NKAIN3: variants seen among roughly 807,000 people sequenced by gnomAD.
NKAIN3 encodes the protein sodium/potassium transporting ATPase interacting 3, also known as sodium/potassium-transporting ATPase subunit beta-1-interacting protein 3.
NKAIN3 carries 25 observed loss-of-function variants against 30.2 expected under a neutral mutation model. The observed-to-expected ratio is 0.83, with a 90% CI of 0.60 to 1.16. NKAIN3 has a LOEUF of 1.16. Among genes scored for constraint, NKAIN3 ranks in the 50% most tolerant of loss-of-function variants. The probability of loss-of-function intolerance (pLI) is 0.00; values close to 1 mark genes in which losing one functional copy is unlikely to be tolerated. For synonymous variants in NKAIN3, 91 were observed against 89.6 expected (o/e 1.02, Z -0.09); for missense variants, 225 against 254.1 (o/e 0.89, Z 0.78).
At chr8:62,678,884 T>C (rs1010148672) in intron 3 of NKAIN3, among the ~76,000 whole-genome samples, 1 of 152,164 alleles carries the variant, frequency 6.6e-6, no homozygotes, top group African/African-American at 2.4e-5. Flanking sequence ...AGCTAATAAA[T>C]GTGTCATGTA....
At chr8:62,791,544 C>T (rs1044383737) in intron 4 of NKAIN3, among the ~76,000 whole-genome samples, 1 of 151,962 alleles carries the variant, frequency 6.6e-6, no homozygotes, top group African/African-American at 2.4e-5. Context: ...GACTTTGATC[C>T]TCAAAACTGA....
intron 3 of NKAIN3, among the ~76,000 whole-genome samples, chr8:62,699,953 C>T (rs1194883904): frequency 6.6e-6 from 1 of 152,096 alleles, no homozygotes; most frequent in Non-Finnish European, 1.5e-5. Context: ...TAGTAAGACT[C>T]AATCTCTAAA....
At chr8:62,993,115 T>G (rs1824355221) in intron 5 of NKAIN3, among the ~76,000 whole-genome samples, 1 of 152,054 alleles carries the variant, frequency 6.6e-6, no homozygotes, top group Non-Finnish European at 1.5e-5. Flanking sequence ...ATGGGGAAAT[T>G]TTTAGGGGCC....
chr8:62,379,113 T>C (rs939972841), intron 1 of NKAIN3, among the ~76,000 whole-genome samples: 1 of 152,148 alleles, frequency 6.6e-6, no homozygotes, highest in African/African-American at 2.4e-5. Flanking sequence ...AGTTTGGAAA[T>C]TTAAGGTTTA....
At position 62,982,461 on chromosome 8, in the gene NKAIN3, G is replaced by A. The variant is rs1356403692; in HGVS notation, c.*17054G>A. 6.6e-6 allele frequency: 1 copy of A among 152,152 alleles called. No individual in the cohort carries two copies. Among genetic ancestry groups the A allele is most frequent in the Non-Finnish European group, 1.5e-5 (1 of 68,030 alleles). The allele number at this position is 152,152 out of a possible 1,614,324, so 9.4% of individuals were successfully genotyped here. Reference sequence around the variant, plus strand: ...GGTCTTGTTAAATAATTAGATTTGTGTAAACTATATTTTAGAGTCTTCCAA... The same window carrying A: ...GGTCTTGTTAAATAATTAGATTTGTATAAACTATATTTTAGAGTCTTCCAA... On this transcript the variant is annotated 3_prime_UTR_variant, in exon 7 of 7. Transcript: ENST00000623646.
chr8:62,435,799 A>T (rs1346638192), intron 1 of NKAIN3, among the ~76,000 whole-genome samples: 2 of 152,224 alleles, frequency 1.3e-5, no homozygotes, highest in Admixed American at 6.5e-5. Context: ...TTGTTCCCCA[A>T]GATGTACATC....
At chr8:62,963,491 C>T (rs1823628067) in intron 6 of NKAIN3, among the ~76,000 whole-genome samples, 1 of 152,200 alleles carries the variant, frequency 6.6e-6, no homozygotes, top group Admixed American at 6.5e-5. Context: ...CAAGTTCCCC[C>T]AAACCCTCAC....
At position 62,975,081 on chromosome 8, in the gene NKAIN3, T is replaced by A. The variant is rs1823914211; in HGVS notation, c.*9674T>A. 6.6e-6 allele frequency among the ~76,000 whole-genome samples: 1 copy of A among 152,164 alleles called. No homozygotes were observed. On this transcript the variant is annotated 3_prime_UTR_variant, in exon 7 of 7. Transcript: ENST00000623646. The stretch of plus-strand genomic sequence containing the variant: ...CTTTTGCCAGTGTTTCATTGGGGAT[T>A]TTCACATAGATGTTCATCAGGGATA...
intron 4 of NKAIN3, among the ~76,000 whole-genome samples, chr8:62,767,984 A>T (rs1157717272): frequency 1.3e-5 from 2 of 152,178 alleles, no homozygotes; most frequent in African/African-American, 4.8e-5. Context: ...TAAATTTATT[A>T]ATGTGGCTAC....
chr8:62,990,269 A>G, intron 5 of NKAIN3: 1 of 1,503,426 alleles, frequency 6.7e-7, no homozygotes, highest in Non-Finnish European at 8.9e-7. Flanking sequence ...TTGTCACATC[A>G]GTCAAGCCTC....
At chr8:62,383,507 A>C (rs1279987408) in intron 1 of NKAIN3, 1 of 455,572 alleles carries the variant, frequency 2.2e-6, no homozygotes, top group Non-Finnish European at 4.4e-6. Context: ...AAACCTGTTC[A>C]GGCAGATCTT....
At chr8:62,686,577 GT>G (rs967147515) in intron 3 of NKAIN3, among the ~76,000 whole-genome samples, 79 of 152,014 alleles carry the variant, frequency 5.2e-4, no homozygotes, top group Non-Finnish European at 9.4e-4. Flanking sequence ...CAAATCTAGG[GT>G]TTTTTTTAAA....
rs141994876 is a variant in NKAIN3 at position 62,461,033 on chromosome 8, A to G, written c.55-118506A>G. Among the ~76,000 whole-genome samples, 39 of 152,348 alleles carry G rather than the reference A, an allele frequency of 2.6e-4. No homozygotes were observed. The East Asian group carries it at 5.6e-3, about 22-fold the overall frequency. On this transcript the variant is annotated intron_variant, in intron 1 of 6. Transcript: ENST00000623646. The stretch of plus-strand genomic sequence containing the variant: ...TACCTGTCCAGGGCTGTGCCTGCTC[A>G]GGGAAAACCTGAGAGGCCCTAAACA...
At chr8:62,394,008 C>T (rs1817653128) in intron 1 of NKAIN3, among the ~76,000 whole-genome samples, 1 of 152,186 alleles carries the variant, frequency 6.6e-6, no homozygotes. Flanking sequence ...AGATTTTCTA[C>T]ATACACCATG....
Position 62,648,199 on chromosome 8 carries a change from T to C in NKAIN3, c.273+58405T>C, listed in dbSNP as rs1162002325. ...TGAGCCGTCCAAGTACTATGTCCTG[T>C]AAGACATGGATCCGTGTAGATCCGT... On this transcript the variant is annotated intron_variant, in intron 3 of 6. Coordinates refer to ENST00000623646, the MANE Select transcript of NKAIN3 (RefSeq NM_001304533.3). Among the ~76,000 whole-genome samples the C allele has an allele frequency of 2.0e-5, 3 of 152,076 alleles. No homozygotes were observed. In the East Asian group the frequency reaches 5.8e-4, roughly 29 times the overall value.
intron 3 of NKAIN3, among the ~76,000 whole-genome samples, chr8:62,745,749 G>C (rs1258619899): frequency 1.3e-5 from 2 of 152,166 alleles, no homozygotes; most frequent in African/African-American, 2.4e-5. Context: ...TTGTTCTTGT[G>C]ATTGACTGTG....
In NKAIN3 at chr8:62,472,874, C is replaced by T. The variant is rs74524106; in HGVS notation, c.55-106665C>T. 8.0e-3 allele frequency among the ~76,000 whole-genome samples: 1,212 copies of T among 152,268 alleles called. 13 individuals are homozygous for T. Among genetic ancestry groups the T allele is most frequent in the Non-Finnish European group, 0.012 (828 of 68,032 alleles). ...CTCATTCATGTTCCAGACACTGATC[C>T]GCAGTGCAGGCAAGGTGCTCAAAGG... On this transcript the variant is annotated intron_variant, in intron 1 of 6. Coordinates refer to ENST00000623646, the MANE Select transcript of NKAIN3 (RefSeq NM_001304533.3).
At chr8:62,601,171 T>C (rs886612190) in intron 3 of NKAIN3, among the ~76,000 whole-genome samples, 5 of 152,084 alleles carry the variant, frequency 3.3e-5, no homozygotes, top group Admixed American at 1.3e-4. Context: ...AGTTTGAAAT[T>C]AAATCAAGGA....
intron 1 of NKAIN3, among the ~76,000 whole-genome samples, chr8:62,365,994 G>A (rs1278508804): frequency 6.6e-6 from 1 of 152,090 alleles, no homozygotes; most frequent in Non-Finnish European, 1.5e-5. Context: ...ATCTTTAAAT[G>A]TTTCATAGAA....
Sources: allele counts gnomAD v4.1 joint callset (sites outside exome capture counted in the v4.1 genomes callset), GRCh38; gene constraint gnomAD v4.1.1; transcripts MANE v1.5; gene names NCBI Gene and HGNC (gene_info 2026-07-23, HGNC 2026-07-21).